STK32B: variants seen among roughly 807,000 people sequenced by gnomAD.
STK32B encodes the protein serine/threonine-protein kinase 32B.
A neutral mutation model predicts 52.6 loss-of-function variants in STK32B; 43 were observed. That is an observed-to-expected ratio of 0.82 (90% CI 0.64 to 1.05). The LOEUF is 1.05. Among genes scored for constraint, STK32B ranks in the 50% least tolerant of loss-of-function variants. The pLI, the probability that STK32B is intolerant of heterozygous loss-of-function variation, is 0.00. For missense variants in STK32B, 621 were observed against 534.6 expected (o/e 1.16, Z -1.59); for synonymous variants, 238 against 204.3 (o/e 1.17, Z -1.41).
At position 5,400,846 on chromosome 4, in the gene STK32B, T is replaced by C. The variant is rs1444629485; in HGVS notation, c.472+2602T>C. Among the ~76,000 whole-genome samples, 1 of 152,162 alleles carries C rather than the reference T, an allele frequency of 6.6e-6. No individual in the cohort carries two copies. The highest frequency in any genetic ancestry group is 2.4e-5 in the African/African-American group (1 of 41,442). On this transcript the variant is annotated intron_variant, in intron 5 of 11. Coordinates refer to ENST00000282908, the MANE Select transcript of STK32B (RefSeq NM_018401.3). This position sits in a 1 kb window ranked among gnomAD's most constrained non-coding sequence, Gnocchi z 6.1. ...CTTGAGCACCTGCTGTGTGCCAAGT[T>C]CTGGTTAACAGAATGATGAACAAGG...
chr4:5,335,436 G>T (rs185426522), intron 4 of STK32B, among the ~76,000 whole-genome samples: 4 of 152,116 alleles, frequency 2.6e-5, no homozygotes, highest in African/African-American at 9.6e-5. Context: ...CCAGCTCCTG[G>T]ATTCATTAAT....
chr4:5,441,675 A>G (rs1448161342), intron 6 of STK32B, among the ~76,000 whole-genome samples: 2 of 151,858 alleles, frequency 1.3e-5, no homozygotes, highest in Admixed American at 1.3e-4. Context: ...TTGCTTCTGT[A>G]GTTCTTTTAA....
chr4:5,184,077 G>A (rs1403382525), intron 3 of STK32B, among the ~76,000 whole-genome samples: 1 of 152,116 alleles, frequency 6.6e-6, no homozygotes, highest in Non-Finnish European at 1.5e-5. Flanking sequence ...CTTTTTCTCT[G>A]CATTCAGAAC....
intron 4 of STK32B, among the ~76,000 whole-genome samples, chr4:5,349,072 C>G (rs1577380299): frequency 6.8e-6 from 1 of 147,440 alleles, no homozygotes; most frequent in South Asian, 2.1e-4. Flanking sequence ...GACTACCCAT[C>G]ATTCATGTCA....
intron 9 of STK32B, among the ~76,000 whole-genome samples, chr4:5,466,019 C>T (rs1703597517): frequency 6.6e-6 from 1 of 152,202 alleles, no homozygotes; most frequent in African/African-American, 2.4e-5. Context: ...GGATTTTTCC[C>T]CTGTGCGCGC....
chr4:5,106,500 A>C (rs866992980), intron 1 of STK32B, among the ~76,000 whole-genome samples: 62 of 152,276 alleles, frequency 4.1e-4, no homozygotes, highest in African/African-American at 1.3e-3. Context: ...TCTATAACCT[A>C]CTTGGAATAG....
intron 1 of STK32B, among the ~76,000 whole-genome samples, chr4:5,100,311 C>T (rs976858025): frequency 2.7e-5 from 4 of 147,310 alleles, no homozygotes; most frequent in African/African-American, 1.0e-4. Flanking sequence ...GACAAGGTTA[C>T]CCCTCCCTCC....
intron 4 of STK32B, among the ~76,000 whole-genome samples, chr4:5,371,526 C>T (rs187519670): frequency 2.0e-5 from 3 of 152,276 alleles, no homozygotes; most frequent in African/African-American, 7.2e-5. Context: ...CATTCCTGAG[C>T]CTGATTCTTG....
At chr4:5,102,505 C>T (rs1713857474) in intron 1 of STK32B, among the ~76,000 whole-genome samples, 1 of 136,970 alleles carries the variant, frequency 7.3e-6, no homozygotes, top group Admixed American at 7.4e-5. Flanking sequence ...TCCCTCCCTC[C>T]CTCCCTCCTT....
At chr4:5,465,765 G>T (rs1429746542) in intron 9 of STK32B, among the ~76,000 whole-genome samples, 1 of 152,212 alleles carries the variant, frequency 6.6e-6, no homozygotes, top group South Asian at 2.1e-4. Context: ...AAGGCTGGCT[G>T]ACCTCAAGGC....
chr4:5,381,586 T>C (rs559598854), intron 4 of STK32B, among the ~76,000 whole-genome samples: 2 of 152,346 alleles, frequency 1.3e-5, no homozygotes, highest in Admixed American at 1.3e-4. Flanking sequence ...TCTTTGTCCC[T>C]CCACCATCCT....
chr4:5,276,064 G>A (rs1010121142), intron 3 of STK32B, among the ~76,000 whole-genome samples: 4 of 152,002 alleles, frequency 2.6e-5, no homozygotes, highest in Admixed American at 2.0e-4. Flanking sequence ...CGAGGCAGGC[G>A]GATCACCTGA....
chr4:5,385,798 A>ACACAGC (rs1356329175), intron 4 of STK32B, among the ~76,000 whole-genome samples: 1 of 151,478 alleles, frequency 6.6e-6, no homozygotes, highest in African/African-American at 2.4e-5. Context: ...CACCCTCAAC[A>ACACAGC]CACAGCCACA....
chr4:5,450,139 A>C (rs946746375), intron 7 of STK32B, among the ~76,000 whole-genome samples: 1 of 152,140 alleles, frequency 6.6e-6, no homozygotes, highest in Admixed American at 6.5e-5. Context: ...AAGAGACCTA[A>C]GTAGGATCCA....
chr4:5,059,052 C>CATTT (rs1742117315), intron 1 of STK32B, among the ~76,000 whole-genome samples: 1 of 86,894 alleles, frequency 1.2e-5, no homozygotes, highest in African/African-American at 4.8e-5. Flanking sequence ...CGCCCAGCTG[C>CATTT]TTTTTTTTTT....
intron 2 of STK32B, among the ~76,000 whole-genome samples, chr4:5,152,785 G>A (rs1403219831): frequency 1.3e-5 from 2 of 152,214 alleles, no homozygotes; most frequent in Non-Finnish European, 1.5e-5. Context: ...GAGGGACCTG[G>A]GTGGACACAG....
intron 3 of STK32B, among the ~76,000 whole-genome samples, chr4:5,262,428 C>T (rs2108846287): frequency 6.6e-6 from 1 of 151,446 alleles, no homozygotes; most frequent in South Asian, 2.1e-4. Flanking sequence ...AGATCAAGAC[C>T]ATCTGGCTAA....
At chr4:5,441,800 T>G (rs1714793875) in intron 6 of STK32B, among the ~76,000 whole-genome samples, 3 of 143,132 alleles carry the variant, frequency 2.1e-5, no homozygotes, top group African/African-American at 7.7e-5. Flanking sequence ...TCTGGTATGT[T>G]GTGTCTTTGT....
At chr4:5,171,099 T>A (rs986207326) in intron 3 of STK32B, among the ~76,000 whole-genome samples, 48 of 152,300 alleles carry the variant, frequency 3.2e-4, no homozygotes, top group Admixed American at 3.0e-3. Flanking sequence ...GCTGCATAAA[T>A]GTCTTCTTTT....
Sources: allele counts gnomAD v4.1 joint callset (sites outside exome capture counted in the v4.1 genomes callset), GRCh38; gene constraint gnomAD v4.1.1; non-coding constraint Gnocchi (gnomAD v3.1); transcripts MANE v1.5; gene names NCBI Gene and HGNC (gene_info 2026-07-23, HGNC 2026-07-21).